The following FBXL13 variants were observed in gnomAD, a reference collection of about 807,000 sequenced individuals.
FBXL13 encodes the protein F-box and leucine-rich repeat protein 13.
FBXL13 carries 67 observed loss-of-function variants against 83.6 expected under a neutral mutation model. The observed-to-expected ratio is 0.80, with a 90% CI of 0.66 to 0.98. The LOEUF (loss-of-function observed/expected upper bound fraction) is 0.98, where lower values mean the gene tolerates loss of function less well. Ranked by LOEUF, FBXL13 falls within the 50% of genes least tolerant of loss-of-function variation. The probability of loss-of-function intolerance (pLI) is 0.00; values close to 1 mark genes in which losing one functional copy is unlikely to be tolerated. For synonymous variants in FBXL13, 272 were observed against 299.5 expected, an observed-to-expected ratio of 0.91 and a Z score of 0.95; for missense variants, 822 against 866.5, an observed-to-expected ratio of 0.95 and a Z score of 0.64.
intron 17 of FBXL13, among the ~76,000 whole-genome samples, chr7:102,833,558 T>C (rs1349456349): frequency 1.3e-5 from 2 of 151,446 alleles, no homozygotes; most frequent in Admixed American, 1.3e-4. Flanking sequence ...CTTGTGCCTA[T>C]TGGGACTACA....
chr7:102,916,215 G>A (rs1365271167), intron 10 of FBXL13, among the ~76,000 whole-genome samples: 1 of 152,032 alleles, frequency 6.6e-6, no homozygotes, highest in Non-Finnish European at 1.5e-5. Flanking sequence ...TCAAACTCTT[G>A]ACCTCAGGTG....
At chr7:102,981,679 C>T (rs539263165) in intron 6 of FBXL13, among the ~76,000 whole-genome samples, 1 of 152,160 alleles carries the variant, frequency 6.6e-6, no homozygotes, top group African/African-American at 2.4e-5. Context: ...CTGGTTTATA[C>T]ACAGTCATTT....
At chr7:102,838,953 T>C (rs374689291) in intron 17 of FBXL13, among the ~76,000 whole-genome samples, 24 of 152,244 alleles carry the variant, frequency 1.6e-4, no homozygotes, top group East Asian at 3.9e-4. Context: ...CTGAGGAGGA[T>C]AGTAAAAGAG....
At position 103,015,594 on chromosome 7, in the gene FBXL13, T is replaced by A. The variant is rs558906934; in HGVS notation, c.495+9469A>T. ...AGGTAGATCACTTGAGACCAGGAGT[T>A]TGGACCAGCCTGGCCAATATAGCTA... On this transcript the variant is annotated intron_variant, in intron 6 of 19. Transcript: ENST00000313221. Among the ~76,000 whole-genome samples, 262 of 152,142 alleles carry A rather than the reference T, an allele frequency of 1.7e-3. 1 individual carries two copies. Among genetic ancestry groups the A allele is most frequent in the Non-Finnish European group, 3.1e-3 (208 of 67,988 alleles).
intron 19 of FBXL13, among the ~76,000 whole-genome samples, chr7:102,815,017 A>C (rs964859444): frequency 6.6e-6 from 1 of 152,152 alleles, no homozygotes; most frequent in Admixed American, 6.5e-5. Context: ...TTTTCTGAAC[A>C]TTTTTCCCCT....
intron 10 of FBXL13, among the ~76,000 whole-genome samples, chr7:102,924,570 A>T (rs1817689805): frequency 6.6e-6 from 1 of 151,944 alleles, no homozygotes; most frequent in South Asian, 2.1e-4. Context: ...TTAGGCTGGT[A>T]CATTTGCAGA....
intron 18 of FBXL13, among the ~76,000 whole-genome samples, chr7:102,825,547 C>G (rs1203592947): frequency 1.3e-5 from 2 of 152,168 alleles, no homozygotes; most frequent in African/African-American, 4.8e-5. Context: ...TTCAGGTATT[C>G]TGTTATACAC....
intron 6 of FBXL13, among the ~76,000 whole-genome samples, chr7:103,022,928 A>T (rs1793378315): frequency 6.6e-6 from 1 of 152,232 alleles, no homozygotes; most frequent in African/African-American, 2.4e-5. Flanking sequence ...TATACATCCA[A>T]CAGAAGTCTA....
chr7:102,845,023 C>G (rs1221884477), intron 17 of FBXL13, among the ~76,000 whole-genome samples: 3 of 152,136 alleles, frequency 2.0e-5, no homozygotes, highest in Non-Finnish European at 4.4e-5. Flanking sequence ...GGAGTGCACC[C>G]CTCTCCTGAC....
At chr7:102,848,801 C>T (rs924535428) in intron 17 of FBXL13, among the ~76,000 whole-genome samples, 13 of 151,954 alleles carry the variant, frequency 8.6e-5, no homozygotes, top group Admixed American at 1.3e-4. Context: ...GAGTTCGAGA[C>T]CAGTCTGGCC....
At chr7:102,913,404 A>C (rs1038354072) in intron 10 of FBXL13, among the ~76,000 whole-genome samples, 189 bp from the exon 12 acceptor site, 4 of 152,234 alleles carry the variant, frequency 2.6e-5, no homozygotes, top group Non-Finnish European at 1.5e-5. Flanking sequence ...GGTAACACAC[A>C]ATACATTTAA....
At chr7:102,995,893 T>C (rs1789737650) in intron 6 of FBXL13, among the ~76,000 whole-genome samples, 1 of 152,214 alleles carries the variant, frequency 6.6e-6, no homozygotes, top group Admixed American at 6.5e-5. Context: ...ATTTCTACTG[T>C]CCTGAGCAAC....
At chr7:103,016,514 A>C (rs1792344107) in intron 6 of FBXL13, among the ~76,000 whole-genome samples, 1 of 151,978 alleles carries the variant, frequency 6.6e-6, no homozygotes, top group African/African-American at 2.4e-5. Context: ...GCGAGAGCCG[A>C]AGCAGGGCAA....
At position 102,999,366 on chromosome 7, in the gene FBXL13, T is replaced by A. The variant is rs145733478; in HGVS notation, c.495+25697A>T. ...TTTGCATCTATATTAATCAGGGATA[T>A]TAGCCTGTGGTTTTCATGTTGTCCC... is the stretch of plus-strand genomic sequence containing the variant. On this transcript the variant is annotated intron_variant, in intron 6 of 19. Coordinates refer to ENST00000313221, the Ensembl canonical transcript of FBXL13. Among the ~76,000 whole-genome samples, 264 of 152,334 alleles carry A rather than the reference T, an allele frequency of 1.7e-3. 3 individuals carry two copies. Among genetic ancestry groups the A allele is most frequent in the Admixed American group, 7.0e-3 (107 of 15,300 alleles).
At chr7:102,963,798 G>A (rs1825655246) in intron 7 of FBXL13, 133 bp from the exon 9 acceptor site, 2 of 805,874 alleles carry the variant, frequency 2.5e-6, no homozygotes, top group African/African-American at 3.6e-5. Flanking sequence ...TATCAATAGA[G>A]AAGACAGACA....
At chr7:103,011,452 T>C (rs887484183) in intron 6 of FBXL13, among the ~76,000 whole-genome samples, 5 of 151,952 alleles carry the variant, frequency 3.3e-5, no homozygotes, top group Non-Finnish European at 5.9e-5. Context: ...CTGGCCAACA[T>C]GGTGAAACCC....
At chr7:102,978,300 T>C (rs192686151) in intron 6 of FBXL13, 1 of 152,300 alleles carries the variant, frequency 6.6e-6, no homozygotes, top group East Asian at 1.9e-4. Context: ...TTCCCTTTTT[T>C]CTATAACCAA....
intron 19 of FBXL13, chr7:102,814,265 G>A (rs143881439): frequency 1.3e-5 from 2 of 152,090 alleles, no homozygotes; most frequent in African/African-American, 4.8e-5. Context: ...ACTTCTGTAC[G>A]ATTAGAAATG....
At chr7:102,918,921 C>A (rs1445427741) in intron 10 of FBXL13, among the ~76,000 whole-genome samples, 1 of 152,154 alleles carries the variant, frequency 6.6e-6, no homozygotes, top group Non-Finnish European at 1.5e-5. Flanking sequence ...CACATATACA[C>A]ACACACTTAT....
Sources: gnomAD v4.1 joint callset for allele counts (sites outside exome capture counted in the v4.1 genomes callset) on GRCh38, gnomAD v4.1.1 for gene constraint, MANE v1.5 for transcripts, NCBI Gene and HGNC (gene_info 2026-07-23, HGNC 2026-07-21) for gene names.